The following MATR3 variants were observed in gnomAD, a reference collection of about 807,000 sequenced individuals.
MATR3 encodes the protein matrin 3.
Under a neutral mutation model 85.5 loss-of-function variants are expected in MATR3, and 4 were observed. The observed-to-expected ratio is 0.05, with a 90% confidence interval of 0.02 to 0.11. The LOEUF (loss-of-function observed/expected upper bound fraction) is 0.11. Ranked by LOEUF, MATR3 falls within the 10% of genes least tolerant of loss-of-function variation. The pLI, the probability that MATR3 is intolerant of heterozygous loss-of-function variation, is 1.00. For synonymous variants in MATR3, 336 were observed against 343.1 expected (o/e 0.98, Z 0.23); for missense variants, 685 against 1,016.1 (o/e 0.67, Z 4.43).
At chr5:139,323,211 G>A (rs1755667876) in intron 12 of MATR3, among the ~76,000 whole-genome samples, 1 of 151,208 alleles carries the variant, frequency 6.6e-6, no homozygotes, top group Non-Finnish European at 1.5e-5. Context: ...GAGGGAGAAA[G>A]ACTCAAAATA....
chr5:139,308,463 A>G, intron 2 of MATR3, 136 bp downstream of exon 2: 2 of 1,030,486 alleles, frequency 1.9e-6, no homozygotes, highest in Non-Finnish European at 3.0e-6. Context: ...CACTTACTTT[A>G]TTTGGAAGGT....
At chr5:139,321,424 G>GAT (rs1755562374) in intron 9 of MATR3, among the ~76,000 whole-genome samples, 2 of 152,078 alleles carry the variant, frequency 1.3e-5, no homozygotes, top group South Asian at 4.1e-4. Context: ...AAAGTGTTGG[G>GAT]ATTACAGGTG....
intron 12 of MATR3, among the ~76,000 whole-genome samples, chr5:139,325,026 C>T (rs1255995070): frequency 1.3e-5 from 2 of 151,914 alleles, no homozygotes; most frequent in African/African-American, 4.8e-5. Flanking sequence ...CCCGTCTCTA[C>T]TAAAATTACA....
chr5:139,326,288 A>G lies in MATR3; in HGVS notation c.2493+4A>G. 6.2e-7 allele frequency: 1 copy of G among 1,609,458 alleles called. No individual in the cohort carries two copies. Among genetic ancestry groups the G allele is most frequent in the Non-Finnish European group, 8.5e-7 (1 of 1,176,614 alleles). On this transcript the variant is annotated splice_donor_region_variant and intron_variant, in intron 14 of 14. Transcript: ENST00000394805. ...TCCTCATTATCAGAAATTAAAGGTA[A>G]GGTTGAATGTAAAACAGTTCTTTTG...
At chr5:139,326,403 G>A in intron 14 of MATR3, 119 bp downstream of exon 14, 1 of 864,678 alleles carries the variant, frequency 1.2e-6, no homozygotes, top group Non-Finnish European at 1.8e-6. Flanking sequence ...GCTTTCTCCT[G>A]AAGATAACTT....
rs1185726370 is a variant in MATR3, at chr5:139,331,396, T to G, written c.*2001T>G. 4.4e-6 allele frequency: 2 copies of G among 454,018 alleles called. No individual in the cohort carries two copies. Among genetic ancestry groups the G allele is most frequent in the Non-Finnish European group, 8.8e-6 (2 of 226,798 alleles). The allele number at this position is 454,018 out of a possible 1,614,324, so 28.1% of individuals were successfully genotyped here. A position where few individuals can be genotyped will look rare whatever the true frequency, so the allele number is the denominator to read the frequency against. ...TTCAGTGTTTCCTTTCAGTGATGGC[T>G]TTTTCATAGCTTCAACTTTGTTGGA... On this transcript the variant is annotated 3_prime_UTR_variant, in exon 15 of 15. Transcript: ENST00000394805.
intron 9 of MATR3, among the ~76,000 whole-genome samples, chr5:139,320,414 A>G (rs1478290649): frequency 6.6e-6 from 1 of 152,162 alleles, no homozygotes; most frequent in African/African-American, 2.4e-5. Flanking sequence ...GACCGCCCTG[A>G]CAACATATTG....
intron 14 of MATR3, among the ~76,000 whole-genome samples, chr5:139,328,631 A>G (rs1755976502): frequency 6.6e-6 from 1 of 152,200 alleles, no homozygotes; most frequent in African/African-American, 2.4e-5. Flanking sequence ...AGTTGTAACA[A>G]AGACTGAATG....
chr5:139,292,007 GGTGCACT>G (rs1304084258), upstream of MATR3: 1 of 136,232 alleles, frequency 7.3e-6, no homozygotes, highest in Non-Finnish European at 1.5e-5. Context: ...AGTGTGCAGT[GGTGCACT>G]AGGCTCACGG....
intron 9 of MATR3, among the ~76,000 whole-genome samples, chr5:139,320,858 C>G (rs1358671862): frequency 6.7e-6 from 1 of 149,356 alleles, no homozygotes; most frequent in Non-Finnish European, 1.5e-5. Context: ...TGGCATTCTC[C>G]TGCCTCAGCT....
intron 7 of MATR3, among the ~76,000 whole-genome samples, chr5:139,318,403 G>T (rs1755365408): frequency 6.6e-6 from 1 of 151,906 alleles, no homozygotes; most frequent in Non-Finnish European, 1.5e-5. Context: ...CAAAGTGCTG[G>T]GATTACAGGC....
rs771690260 is a variant in MATR3, at chr5:139,307,753, C to G, written c.338C>G (p.Ala113Gly). 1 of 1,614,040 alleles carries G rather than the reference C, an allele frequency of 6.2e-7. No individual in the cohort carries two copies. Residue 113 changes from alanine (A) to glycine (G), a missense_variant, in exon 2 of 15, where the codon GCC (alanine) becomes GGC (glycine). Ala to Gly is a moderately conservative substitution (Grantham distance 60, BLOSUM62 0). Coordinates refer to ENST00000394805, the MANE Select transcript of MATR3 (RefSeq NM_018834.6). This position sits in a 1 kb window ranked among gnomAD's most constrained non-coding sequence, Gnocchi z 4.4. ...GCAGACCAGGCCAGTAACATTTTGG[C>G]CAGCTTTGGTCTGTCTGCTAGAGAC... Reference protein sequence around the residue: ...GDADQASNILASFGLSARDLD... With the variant: ...GDADQASNILGSFGLSARDLD...
intron 6 of MATR3, 42 bp downstream of exon 6, chr5:139,317,147 T>C: frequency 6.3e-7 from 1 of 1,582,472 alleles, no homozygotes; most frequent in Non-Finnish European, 8.7e-7. Context: ...TTATGATTTT[T>C]GGGAATATGA....
At position 139,297,670 on chromosome 5, in the gene MATR3, G is replaced by A. The variant is rs1259346065; in HGVS notation, c.-178+3865G>A. Among the ~76,000 whole-genome samples, 6 of 152,142 alleles carry A rather than the reference G, an allele frequency of 3.9e-5. No homozygotes were observed. In the East Asian group the frequency reaches 7.7e-4, roughly 20 times the overall value. On this transcript the variant is annotated intron_variant, in intron 1 of 14. Transcript: ENST00000394805. ...TGGCACTTCTGTGTGGATGGAGTGC[G>A]GAGTGCCTTTGATGTGATGTATAAT...
rs1371445531 is a variant in MATR3, at chr5:139,313,003, G to C, written c.913-1672G>C. The C allele has an allele frequency of 2.7e-5, 4 of 147,448 alleles. No homozygotes were observed. The East Asian group carries it at 7.9e-4, about 29-fold the overall frequency. 9.1% of individuals were successfully genotyped at this position (147,448 alleles called of 1,614,324 possible). ...TAGAGCATAGGAATGTACCTAAACT[G>C]TTGTCAGGTAAATATAAACCAGTTT... On this transcript the variant is annotated intron_variant, in intron 2 of 14. Coordinates refer to ENST00000394805, the MANE Select transcript of MATR3 (RefSeq NM_018834.6).
chr5:139,289,225 T>G (rs537459666), upstream of MATR3, among the ~76,000 whole-genome samples: 20 of 152,346 alleles, frequency 1.3e-4, no homozygotes, highest in African/African-American at 4.8e-4. Flanking sequence ...CATACAGATG[T>G]AAGATTGCAG....
intron 2 of MATR3, chr5:139,312,987 G>A (rs1259578325): frequency 1.3e-5 from 2 of 151,130 alleles, no homozygotes; most frequent in East Asian, 3.9e-4. Flanking sequence ...CTAGAGCATA[G>A]GAATGTACCT....
chr5:139,293,635 C>G (rs1719931965), upstream of MATR3: 1 of 213,578 alleles, frequency 4.7e-6, no homozygotes. Context: ...GCGCGCCGAA[C>G]CAGATCGAGG....
intron 14 of MATR3, among the ~76,000 whole-genome samples, 184 bp from the exon 15 acceptor site, chr5:139,329,161 G>T (rs1034896534): frequency 3.3e-5 from 5 of 151,810 alleles, no homozygotes; most frequent in African/African-American, 1.2e-4. Context: ...TTTTTTCCCC[G>T]TGCCTTATTG....
Sources: allele counts gnomAD v4.1 joint callset (sites outside exome capture counted in the v4.1 genomes callset), GRCh38; gene constraint gnomAD v4.1.1; non-coding constraint Gnocchi (gnomAD v3.1); transcripts MANE v1.5; gene names NCBI Gene and HGNC (gene_info 2026-07-23, HGNC 2026-07-21).